The following MCC variants were observed in gnomAD, a reference collection of about 807,000 sequenced individuals.
MCC encodes the protein colorectal mutant cancer protein.
Under a neutral mutation model 116.2 loss-of-function variants are expected in MCC, and 90 were observed. The ratio of observed to expected loss-of-function variants is 0.77; its 90% confidence interval spans 0.65 to 0.92. MCC has a LOEUF of 0.92. Among genes scored for constraint, MCC ranks in the 40% least tolerant of loss-of-function variants. The pLI, the probability that MCC is intolerant of heterozygous loss-of-function variation, is 0.00. For synonymous variants in MCC, 578 were observed against 510.5 expected, an observed-to-expected ratio of 1.13 and a Z score of -1.78; for missense variants, 1,516 against 1,312.2, an observed-to-expected ratio of 1.16 and a Z score of -2.40.
chr5:113,335,413 C>T (rs557469308), intron 3 of MCC, among the ~76,000 whole-genome samples: 11 of 151,746 alleles, frequency 7.2e-5, no homozygotes, highest in Admixed American at 3.9e-4. Flanking sequence ...ACTTTAAAAA[C>T]CAAGTAGTAT....
chr5:113,219,555 T>C (rs1273713966), intron 3 of MCC, among the ~76,000 whole-genome samples: 2 of 152,244 alleles, frequency 1.3e-5, no homozygotes, highest in African/African-American at 2.4e-5. Context: ...TTAGTAATAG[T>C]ATATTATTGA....
In MCC at chr5:113,340,575, G is replaced by A; in HGVS notation, c.571C>T (p.Gln191Ter). ...ACAGAGTTGCCAATGTGCGGGGACT[G>A]TGTGAGCAGTTTGTGGAGAGCAGCC... ...QQAALHKLLT[Q>*]SPHIGNSVGG... The change falls in exon 3 of 19, where the codon CAG becomes TAG. Residue 191 changes from glutamine to a stop codon, truncating the protein, a stop_gained. Coordinates refer to ENST00000408903, the MANE Select transcript of MCC (RefSeq NM_001085377.2). LOFTEE classifies it high-confidence loss of function. The A allele has an allele frequency of 6.2e-7, 1 of 1,614,186 alleles. No individual in the cohort carries two copies. Among genetic ancestry groups the A allele is most frequent in the Non-Finnish European group, 8.5e-7 (1 of 1,180,016 alleles).
chr5:113,210,009 C>G (rs917920323), intron 3 of MCC, among the ~76,000 whole-genome samples: 1 of 152,156 alleles, frequency 6.6e-6, no homozygotes. Flanking sequence ...ATGGTCTCCA[C>G]CTGACTTAAA....
chr5:113,239,023 T>C (rs908234059), intron 3 of MCC, among the ~76,000 whole-genome samples: 5 of 152,230 alleles, frequency 3.3e-5, no homozygotes, highest in Non-Finnish European at 7.3e-5. Flanking sequence ...GCATATGTTT[T>C]TTTTCAATCT....
Position 113,137,506 on chromosome 5 carries a change from T to C in MCC, c.884+5712A>G, listed in dbSNP as rs568838311. On this transcript the variant is annotated intron_variant, in intron 5 of 18. Coordinates refer to ENST00000408903, the MANE Select transcript of MCC (RefSeq NM_001085377.2). ...GGTATATTGTGTTTATTTATTTGCA[T>C]ATGTTGAATGGTATTTGCATCCCTA... 1.7e-4 allele frequency among the ~76,000 whole-genome samples: 26 copies of C among 152,332 alleles called. No homozygotes were observed. In the South Asian group the frequency reaches 3.1e-3, roughly 18 times the overall value.
Position 113,169,848 on chromosome 5 carries a change from T to C in MCC, c.628-18426A>G, listed in dbSNP as rs1173704544. 2.0e-5 allele frequency among the ~76,000 whole-genome samples: 3 copies of C among 152,200 alleles called. No individual in the cohort carries two copies. In the South Asian group the frequency reaches 6.2e-4, roughly 32 times the overall value. The stretch of plus-strand genomic sequence containing the variant: ...TGCCTCATTTCTTTAATAGTAGCTA[T>C]TCAGGCAGCAAGAGGCAATTTAAAG... On this transcript the variant is annotated intron_variant, in intron 3 of 18. Coordinates refer to ENST00000408903, the MANE Select transcript of MCC (RefSeq NM_001085377.2).
At chr5:113,277,736 C>T (rs34441430) in intron 3 of MCC, among the ~76,000 whole-genome samples, 21,572 of 151,726 alleles carry the variant, frequency 0.14, 2,095 homozygotes, top group Non-Finnish European at 0.2. Context: ...TTACTTCATA[C>T]CACTCTTTAT....
At chr5:113,383,012 T>G (rs1769162290) in intron 2 of MCC, among the ~76,000 whole-genome samples, 1 of 152,202 alleles carries the variant, frequency 6.6e-6, no homozygotes, top group South Asian at 2.1e-4. Context: ...GAAAGGGTAT[T>G]GTTTTTCAAT....
chr5:113,385,270 ACTGGTT>A, intron 1 of MCC, 58 bp from the exon 2 acceptor site: 1 of 1,539,692 alleles, frequency 6.5e-7, no homozygotes, highest in Admixed American at 2.0e-5. Context: ...AGCTAGAGAA[ACTGGTT>A]AATGAAAAAA....
intron 18 of MCC, among the ~76,000 whole-genome samples, chr5:113,028,009 A>G (rs1402783534): frequency 6.6e-6 from 1 of 152,180 alleles, no homozygotes; most frequent in East Asian, 1.9e-4. Context: ...AAAGCCAAAC[A>G]TGGAATATAC....
Position 113,293,548 on chromosome 5 carries a change from A to G in MCC, c.627+46971T>C, listed in dbSNP as rs147197825. ...CTTCTCATCACTTTTCAGGTATTCA[A>G]AGCTTTGAGGGATGTGCCCGAAGCA... On this transcript the variant is annotated intron_variant, in intron 3 of 18. Transcript: ENST00000408903. Among the ~76,000 whole-genome samples, 24 of 152,258 alleles carry G rather than the reference A, an allele frequency of 1.6e-4. No individual in the cohort carries two copies. In the East Asian group the frequency reaches 4.2e-3, roughly 27 times the overall value.
At chr5:113,087,877 T>C (rs561855226) in intron 8 of MCC, among the ~76,000 whole-genome samples, 2 of 152,200 alleles carry the variant, frequency 1.3e-5, no homozygotes, top group African/African-American at 4.8e-5. Context: ...AAAACATTTC[T>C]TCTTCTAATC....
chr5:113,474,646 C>T (rs1032984930), intron 1 of MCC, among the ~76,000 whole-genome samples: 2 of 152,044 alleles, frequency 1.3e-5, no homozygotes, highest in African/African-American at 2.4e-5. Context: ...GTGTCAGTGC[C>T]GAGAGTCCTG....
intron 3 of MCC, among the ~76,000 whole-genome samples, chr5:113,175,967 C>T (rs762030805): frequency 2.0e-5 from 3 of 152,030 alleles, no homozygotes; most frequent in Admixed American, 6.6e-5. Context: ...ATGTACTGTA[C>T]CAACCAGCAG....
chr5:113,434,330 T>G lies in MCC; in HGVS notation c.171-49118A>C, dbSNP rs26980. On this transcript the variant is annotated intron_variant, in intron 1 of 18. Transcript: ENST00000408903. The surrounding 1 kb of genome is among the most constrained non-coding windows in gnomAD (Gnocchi z 4.2). ...GTGACCCACAGAAGGTCTTGCTTAA[T>G]GCCATTCGACCACTGTCATCCCGCA... 186,082 of 1,613,766 alleles carry G rather than the reference T, an allele frequency of 0.12. 12,105 individuals carry two copies. The highest frequency in any genetic ancestry group is 0.13 in the Non-Finnish European group (148,065 of 1,179,814).
In MCC at chr5:113,274,539, T is replaced by C. The variant is rs986825760; in HGVS notation, c.627+65980A>G. Among the ~76,000 whole-genome samples the C allele has an allele frequency of 2.0e-5, 3 of 152,174 alleles. No individual in the cohort carries two copies. The South Asian group carries it at 6.2e-4, about 32-fold the overall frequency. On this transcript the variant is annotated intron_variant, in intron 3 of 18. Coordinates refer to ENST00000408903, the MANE Select transcript of MCC (RefSeq NM_001085377.2). The stretch of plus-strand genomic sequence containing the variant: ...CACACCCGGCTAATTTTTGTATTTT[T>C]TAGTGGAGATGGGGTTTCACCATGT...
intron 3 of MCC, among the ~76,000 whole-genome samples, chr5:113,252,269 C>A (rs985553235): frequency 2.0e-5 from 3 of 152,152 alleles, no homozygotes; most frequent in African/African-American, 4.8e-5. Flanking sequence ...GGTACGAGGC[C>A]GCAAAGCAGG....
intron 1 of MCC, among the ~76,000 whole-genome samples, chr5:113,486,478 A>C (rs1278711056): frequency 2.6e-5 from 4 of 152,212 alleles, no homozygotes; most frequent in Non-Finnish European, 5.9e-5. Context: ...CAATATATTA[A>C]TAGGCCAAAT....
At chr5:113,474,514 G>T (rs1173868160) in intron 1 of MCC, among the ~76,000 whole-genome samples, 1 of 152,182 alleles carries the variant, frequency 6.6e-6, no homozygotes. Flanking sequence ...TGCCAGACAG[G>T]CAGGGCCTTA....
Sources: allele counts gnomAD v4.1 joint callset (sites outside exome capture counted in the v4.1 genomes callset), GRCh38; gene constraint gnomAD v4.1.1; non-coding constraint Gnocchi (gnomAD v3.1); transcripts MANE v1.5; gene names NCBI Gene and HGNC (gene_info 2026-07-23, HGNC 2026-07-21).